JAZF1: variants seen among roughly 807,000 people sequenced by gnomAD.
JAZF1 encodes JAZF zinc finger 1, also known as juxtaposed with another zinc finger protein 1.
A neutral mutation model predicts 26.4 loss-of-function variants in JAZF1; 8 were observed. The ratio of observed to expected loss-of-function variants is 0.30; its 90% CI spans 0.18 to 0.55. The LOEUF is 0.55. Among genes scored for constraint, JAZF1 ranks in the 20% least tolerant of loss-of-function variants. JAZF1 has a pLI of 0.94. For synonymous variants in JAZF1, 126 were observed against 122.3 expected, an observed-to-expected ratio of 1.03 and a Z score of -0.20; for missense variants, 199 against 322.0, an observed-to-expected ratio of 0.62 and a Z score of 2.92.
At chr7:27,880,339 C>A (rs958955088) in intron 3 of JAZF1, among the ~76,000 whole-genome samples, 2 of 152,186 alleles carry the variant, frequency 1.3e-5, no homozygotes, top group African/African-American at 4.8e-5. Flanking sequence ...AGATTACTTA[C>A]AAATGTGTTA....
intron 1 of JAZF1, among the ~76,000 whole-genome samples, chr7:28,024,786 G>C (rs1783065270): frequency 1.3e-5 from 2 of 152,138 alleles, no homozygotes; most frequent in Admixed American, 1.3e-4. Flanking sequence ...CAACTTGAGA[G>C]ATCATGAAAC....
chr7:28,144,469 C>T (rs1782997733), intron 1 of JAZF1, among the ~76,000 whole-genome samples: 1 of 152,196 alleles, frequency 6.6e-6, no homozygotes, highest in Non-Finnish European at 1.5e-5. Context: ...TTGCAGGAAA[C>T]AATGGGAGCA....
intron 1 of JAZF1, among the ~76,000 whole-genome samples, chr7:28,141,574 G>A (rs1782959473): frequency 6.6e-6 from 1 of 152,140 alleles, no homozygotes; most frequent in Non-Finnish European, 1.5e-5. Context: ...TTAACAACAG[G>A]AAGCCTTCAT....
At chr7:28,157,806 T>C (rs1228354662) in intron 1 of JAZF1, among the ~76,000 whole-genome samples, 1 of 152,046 alleles carries the variant, frequency 6.6e-6, no homozygotes, top group South Asian at 2.1e-4. Context: ...ATACACAAAA[T>C]CACATTTTGG....
At chr7:27,926,589 C>A (rs924598127) in intron 2 of JAZF1, among the ~76,000 whole-genome samples, 14 of 152,324 alleles carry the variant, frequency 9.2e-5, no homozygotes, top group African/African-American at 3.1e-4. Flanking sequence ...TCATTCATTG[C>A]CTTCAACGTA....
Position 27,987,464 on chromosome 7 carries a change from G to A in JAZF1, c.188+4445C>T, listed in dbSNP as rs537992436. On this transcript the variant is annotated intron_variant, in intron 2 of 4. Transcript: ENST00000283928. ...TGAGGAGCATTTCCGCCTGGCAGCC[G>A]CCCCGTCCAGGAGGTTGGGGGCAGC... Among the ~76,000 whole-genome samples the A allele has an allele frequency of 9.9e-5, 15 of 152,152 alleles. No individual in the cohort carries two copies. In the East Asian group the frequency reaches 1.9e-3, roughly 20 times the overall value.
At chr7:28,024,037 G>A (rs1435400197) in intron 1 of JAZF1, among the ~76,000 whole-genome samples, 4 of 151,934 alleles carry the variant, frequency 2.6e-5, no homozygotes, top group South Asian at 4.2e-4. Context: ...TGACATGCTA[G>A]CACTTTGGGA....
chr7:27,997,138 G>A (rs1022907968), intron 1 of JAZF1, among the ~76,000 whole-genome samples: 1 of 151,318 alleles, frequency 6.6e-6, no homozygotes, highest in Non-Finnish European at 1.5e-5. Context: ...TGCAGTGGGG[G>A]AGACCCACAG....
intron 2 of JAZF1, among the ~76,000 whole-genome samples, chr7:27,976,349 A>C (rs1264328212): frequency 1.2e-5 from 1 of 81,828 alleles, no homozygotes; most frequent in Admixed American, 1.6e-4. Context: ...CGTCTCAAAA[A>C]AAAAAAAAAA....
intron 1 of JAZF1, among the ~76,000 whole-genome samples, chr7:28,160,119 T>C (rs186703947): frequency 6.6e-6 from 1 of 152,082 alleles, no homozygotes; most frequent in African/African-American, 2.4e-5. Context: ...ACAGATTACA[T>C]ATAGGACATC....
At chr7:28,125,815 C>T (rs1782684198) in intron 1 of JAZF1, among the ~76,000 whole-genome samples, 1 of 152,102 alleles carries the variant, frequency 6.6e-6, no homozygotes, top group Non-Finnish European at 1.5e-5. Flanking sequence ...GATTGCTGGG[C>T]CTTGTGATTT....
At position 27,972,265 on chromosome 7, in the gene JAZF1, G is replaced by C. The variant is rs78750874; in HGVS notation, c.188+19644C>G. 5.2e-3 allele frequency among the ~76,000 whole-genome samples: 795 copies of C among 152,328 alleles called. 6 individuals are homozygous for C. Among genetic ancestry groups the C allele is most frequent in the African/African-American group, 0.013 (555 of 41,574 alleles). On this transcript the variant is annotated intron_variant, in intron 2 of 4. Coordinates refer to ENST00000283928, the MANE Select transcript of JAZF1 (RefSeq NM_175061.4). ...AAAGGAGGGAAGCCCTGCTGCGCAA[G>C]TGACATCTGACCAGAGACTAAAAGA...
chr7:27,904,100 T>C (rs1784209385), intron 2 of JAZF1, among the ~76,000 whole-genome samples: 1 of 152,208 alleles, frequency 6.6e-6, no homozygotes, highest in South Asian at 2.1e-4. Context: ...TTTCTCTGGC[T>C]GTTACTATGC....
intron 3 of JAZF1, among the ~76,000 whole-genome samples, chr7:27,893,563 TCTTTA>T (rs1377950563): frequency 6.6e-6 from 1 of 152,216 alleles, no homozygotes; most frequent in Non-Finnish European, 1.5e-5. Flanking sequence ...CCCCCTTTCC[TCTTTA>T]CTTAGTTGAC....
chr7:27,856,633 G>T (rs972829663), intron 3 of JAZF1, among the ~76,000 whole-genome samples: 1 of 152,136 alleles, frequency 6.6e-6, no homozygotes, highest in Non-Finnish European at 1.5e-5. Flanking sequence ...AGACACAAAA[G>T]TTCTCCATGT....
chr7:27,964,121 T>G (rs554031990), intron 2 of JAZF1, among the ~76,000 whole-genome samples: 1 of 152,196 alleles, frequency 6.6e-6, no homozygotes. Context: ...TTAATGAATA[T>G]TATCATCCAA....
intron 3 of JAZF1, among the ~76,000 whole-genome samples, chr7:27,893,824 T>C (rs984167920): frequency 2.6e-5 from 4 of 152,108 alleles, no homozygotes; most frequent in African/African-American, 9.7e-5. Context: ...GGAGGAACAG[T>C]GACTTAATGA....
chr7:27,920,812 G>C (rs1287645626), intron 2 of JAZF1, among the ~76,000 whole-genome samples: 2 of 152,136 alleles, frequency 1.3e-5, no homozygotes, highest in African/African-American at 2.4e-5. Flanking sequence ...TGGTGTAATA[G>C]AGAGGTCTAA....
chr7:28,042,469 G>T (rs1372812278), intron 1 of JAZF1, among the ~76,000 whole-genome samples: 1 of 152,178 alleles, frequency 6.6e-6, no homozygotes, highest in Admixed American at 6.5e-5. Flanking sequence ...ATGGGTTAAG[G>T]CTGGGGAGGT....
Sources: allele counts gnomAD v4.1 joint callset (sites outside exome capture counted in the v4.1 genomes callset), GRCh38; gene constraint gnomAD v4.1.1; transcripts MANE v1.5; gene names NCBI Gene and HGNC (gene_info 2026-07-23, HGNC 2026-07-21).